Variants in ZSWIM9 observed in about 807,000 individuals in gnomAD.
ZSWIM9 encodes the protein zinc finger SWIM-type containing 9.
ZSWIM9 carries 11 observed loss-of-function variants against 25.0 expected under a neutral mutation model. The observed-to-expected ratio is 0.44, with a 90% CI of 0.28 to 0.73. ZSWIM9 has a LOEUF of 0.73. Among genes scored for constraint, ZSWIM9 ranks in the 30% least tolerant of loss-of-function variants. ZSWIM9 has a pLI of 0.16. For synonymous variants in ZSWIM9, 562 were observed against 582.1 expected, an observed-to-expected ratio of 0.97 and a Z score of 0.50; for missense variants, 1,070 against 1,296.5, an observed-to-expected ratio of 0.83 and a Z score of 2.68.
At position 48,194,585 on chromosome 19, in the gene ZSWIM9, G is replaced by A. The variant is rs1296717561; in HGVS notation, c.589-68G>A. The A allele has an allele frequency of 9.0e-6, 12 of 1,336,038 alleles. No individual in the cohort carries two copies. Among genetic ancestry groups the A allele is most frequent in the Non-Finnish European group, 1.2e-5 (12 of 1,040,936 alleles). 82.8% of individuals were successfully genotyped at this position (1,336,038 alleles called of 1,614,324 possible). A position where few individuals can be genotyped will look rare whatever the true frequency, so the allele number is the denominator to read the frequency against. ...TTCCGTAGAAGGGGAAACCGAGGTC[G>A]GGGAGCTGGGCGGGGAGACCCCAGC... On this transcript the variant is annotated intron_variant, in intron 3 of 3. Coordinates refer to ENST00000614654, the MANE Select transcript of ZSWIM9 (RefSeq NM_199341.4). This position sits in a 1 kb window ranked among gnomAD's most constrained non-coding sequence, Gnocchi z 6.0.
chr19:48,176,408 T>A lies in ZSWIM9; in HGVS notation c.275+4331T>A, dbSNP rs77781385. 8.5e-3 allele frequency among the ~76,000 whole-genome samples: 1,287 copies of A among 152,256 alleles called. 15 individuals are homozygous for A. Among genetic ancestry groups the A allele is most frequent in the African/African-American group, 0.029 (1,217 of 41,550 alleles). On this transcript the variant is annotated intron_variant, in intron 2 of 3. Transcript: ENST00000614654. ...ACTAGTATTACTATTGGCCCCACTT[T>A]CCAGGTGAGAAAACTGAGGCACAGA...
At chr19:48,191,816 C>T (rs1332111106) in intron 3 of ZSWIM9, 1 of 153,420 alleles carries the variant, frequency 6.5e-6, no homozygotes, top group Non-Finnish European at 1.5e-5. Context: ...TGTGCCTAAG[C>T]CAGCCCTGTT....
rs2037144621 is a variant in ZSWIM9, at chr19:48,195,247, G to A, written c.1183G>A (p.Glu395Lys). 16 of 1,529,360 alleles carry A rather than the reference G, an allele frequency of 1.0e-5. No individual in the cohort carries two copies. Among genetic ancestry groups the A allele is most frequent in the Non-Finnish European group, 1.4e-5 (16 of 1,143,402 alleles). The allele number at this position is 1,529,360 out of a possible 1,614,324, so 94.7% of individuals were successfully genotyped here. A position where few individuals can be genotyped will look rare whatever the true frequency, so the allele number is the denominator to read the frequency against. Residue 395 changes from glutamate to lysine, a missense_variant, in exon 4 of 4, where the codon GAG (glutamate) becomes AAG (lysine). Glu to Lys is a moderately conservative substitution (Grantham distance 56). Around this residue, in one of 4 missense-constraint regions of ZSWIM9, gnomAD observed 184 missense variants for 243.1 expected, o/e 0.76. Transcript: ENST00000614654. This position sits in a 1 kb window ranked among gnomAD's most constrained non-coding sequence, Gnocchi z 5.8. The stretch of plus-strand genomic sequence containing the variant: ...CATGTGGGTCCGCTTCCGCGCCTTC[G>A]AGGCGGCCAGAGACCTGGACGCGTG... ...RDMWVRFRAF[E>K]AARDLDACAL...
chr19:48,191,200 G>GTTGT (rs202168785), intron 3 of ZSWIM9, among the ~76,000 whole-genome samples: 4 of 151,234 alleles, frequency 2.6e-5, no homozygotes, highest in East Asian at 1.9e-4. Flanking sequence ...TTTTGTTGTT[G>GTTGT]TTGTTTGTTT....
Position 48,172,070 on chromosome 19 carries a change from GC to G in ZSWIM9, c.270del (p.Val91TrpfsTer16). On this transcript the variant is annotated frameshift_variant, in exon 2 of 4. Transcript: ENST00000614654. LOFTEE classifies it high-confidence loss of function. ...CKDVRAPSRPAVGPPQPGCPA... is the reference protein window; with the variant it reads ...CKDVRAPSRPXVGPPQPGCPA... ...GGACGTGCGTGCGCCCAGCCGGCCCGCCGTGGGGTGCGTGAACCTGAGCCGC... is the reference window on the plus strand; with the variant it reads ...GGACGTGCGTGCGCCCAGCCGGCCCGCGTGGGGTGCGTGAACCTGAGCCGC... 6.6e-7 allele frequency: 1 copy of G among 1,517,580 alleles called. No individual in the cohort carries two copies. The highest frequency in any genetic ancestry group is 8.8e-7 in the Non-Finnish European group (1 of 1,133,558). The allele number at this position is 1,517,580 out of a possible 1,614,324, so 94.0% of individuals were successfully genotyped here.
intron 3 of ZSWIM9, among the ~76,000 whole-genome samples, chr19:48,192,467 A>ATTT (rs1186774255): frequency 2.7e-5 from 1 of 37,172 alleles, no homozygotes; most frequent in African/African-American, 9.1e-5. Flanking sequence ...AAAAAAAAAA[A>ATTT]AAAAAAAAAA....
chr19:48,182,085 A>G lies in ZSWIM9; in HGVS notation c.276-370A>G. The G allele has an allele frequency of 4.8e-6, 1 of 208,348 alleles. No homozygotes were observed. The highest frequency in any genetic ancestry group is 9.5e-6 in the Non-Finnish European group (1 of 105,282). The allele number at this position is 208,348 out of a possible 1,614,324, so 12.9% of individuals were successfully genotyped here. ...TTATTTCTAAAAAAAGTTAAGGTAA[A>G]TACAATAAAACATTCACTCACTTTT... On this transcript the variant is annotated intron_variant, in intron 2 of 3. Coordinates refer to ENST00000614654, the MANE Select transcript of ZSWIM9 (RefSeq NM_199341.4). This position sits in a 1 kb window ranked among gnomAD's most constrained non-coding sequence, Gnocchi z 4.6.
chr19:48,183,327 C>A (rs895425337), intron 3 of ZSWIM9, among the ~76,000 whole-genome samples: 11 of 152,168 alleles, frequency 7.2e-5, no homozygotes, highest in African/African-American at 2.7e-4. Flanking sequence ...CGGGGTTTCA[C>A]CATGTTAGCC....
chr19:48,171,320 G>A, intron 1 of ZSWIM9: 1 of 985,374 alleles, frequency 1.0e-6, no homozygotes, highest in Non-Finnish European at 1.2e-6. Context: ...GAGCGTCTTT[G>A]GAGGGGTTAC....
At position 48,195,290 on chromosome 19, in the gene ZSWIM9, A is replaced by G. The variant is rs1186896612; in HGVS notation, c.1226A>G (p.His409Arg). 3.3e-6 allele frequency: 5 copies of G among 1,529,608 alleles called. No individual in the cohort carries two copies. In the African/African-American group the frequency reaches 6.9e-5, roughly 21 times the overall value. The allele number at this position is 1,529,608 out of a possible 1,614,324, so 94.8% of individuals were successfully genotyped here. A position where few individuals can be genotyped will look rare whatever the true frequency, so the allele number is the denominator to read the frequency against. Residue 409 changes from histidine to arginine, a missense_variant, in exon 4 of 4, where the codon CAC (histidine) becomes CGC (arginine). Around this residue, in one of 4 missense-constraint regions of ZSWIM9, gnomAD observed 184 missense variants for 243.1 expected, o/e 0.76. Transcript: ENST00000614654. This position sits in a 1 kb window ranked among gnomAD's most constrained non-coding sequence, Gnocchi z 5.8. ...DLDACALVRG[H>R]RRRLLRRLSP... is the part of the protein sequence containing the mutation. ...GACGCGTGTGCCCTGGTGCGAGGCC[A>G]CCGCCGGCGACTGCTGCGTCGTCTC...
chr19:48,194,995 T>C lies in ZSWIM9; in HGVS notation c.931T>C (p.Cys311Arg). The C allele has an allele frequency of 7.5e-7, 1 of 1,337,792 alleles. No homozygotes were observed. Among genetic ancestry groups the C allele is most frequent in the South Asian group, 1.6e-5 (1 of 62,802 alleles). 82.9% of individuals were successfully genotyped at this position (1,337,792 alleles called of 1,614,324 possible). ...QLPAVRQLLP[C>R]ARVQICRAQG... ...GCCTGCAGTGCGCCAGCTGCTGCCC[T>C]GCGCGCGCGTGCAGATCTGCCGCGC... The change falls in exon 4 of 4, where the codon TGC (cysteine) becomes CGC (arginine). Residue 311 changes from cysteine to arginine, a missense_variant. By Grantham distance (180) the Cys-to-Arg change is radical (BLOSUM62 -3). Coordinates refer to ENST00000614654, the MANE Select transcript of ZSWIM9 (RefSeq NM_199341.4). This position sits in a 1 kb window ranked among gnomAD's most constrained non-coding sequence, Gnocchi z 6.0.
chr19:48,194,876 T>C lies in ZSWIM9; in HGVS notation c.812T>C (p.Leu271Pro). 1.5e-6 allele frequency: 2 copies of C among 1,336,160 alleles called. No individual in the cohort carries two copies. The highest frequency in any genetic ancestry group is 9.5e-7 in the Non-Finnish European group (1 of 1,049,756). The allele number at this position is 1,336,160 out of a possible 1,614,324, so 82.8% of individuals were successfully genotyped here. A position where few individuals can be genotyped will look rare whatever the true frequency, so the allele number is the denominator to read the frequency against. The change falls in exon 4 of 4, where the codon CTG (leucine) becomes CCG (proline). Residue 271 changes from leucine (L) to proline (P), a missense_variant. By Grantham distance (98) the Leu-to-Pro change is moderately conservative. Transcript: ENST00000614654. This position sits in a 1 kb window ranked among gnomAD's most constrained non-coding sequence, Gnocchi z 6.0. ...GCGCGCCCGGGCACACCGAGCCTGC[T>C]GCGCTTCGCGCTCGCGTCGCTGCTG... ...CVARPGTPSL[L>P]RFALASLLQS... is the part of the protein sequence containing the mutation.
intron 3 of ZSWIM9, among the ~76,000 whole-genome samples, chr19:48,187,385 A>AG (rs55640320): frequency 9.0e-6 from 1 of 111,326 alleles, no homozygotes; most frequent in African/African-American, 3.4e-5. Context: ...ATAATGTAAT[A>AG]ATTAATATAT....
At chr19:48,192,472 A>AT (rs1255944064) in intron 3 of ZSWIM9, among the ~76,000 whole-genome samples, 10 of 24,916 alleles carry the variant, frequency 4.0e-4, no homozygotes, top group Non-Finnish European at 6.5e-4. Flanking sequence ...AAAAAAAAAA[A>AT]AAAAAAAAAT....
rs543199386 is a variant in ZSWIM9 at position 48,194,916 on chromosome 19, C to T, written c.852C>T (p.Asp284=). 7.6e-7 allele frequency: 1 copy of T among 1,314,282 alleles called. No individual in the cohort carries two copies. 81.4% of individuals were successfully genotyped at this position (1,314,282 alleles called of 1,614,324 possible). A position where few individuals can be genotyped will look rare whatever the true frequency, so the allele number is the denominator to read the frequency against. Residue 284 remains aspartate, a synonymous_variant, in exon 4 of 4, where the codon GAC becomes GAT. Transcript: ENST00000614654. The surrounding 1 kb of genome is among the most constrained non-coding windows in gnomAD (Gnocchi z 6.0). ...CGTCGCTGCTGCAGAGCGCGCCAGA[C>T]GTCAAGGGCCGCGTGCGCTGCCTCA... ...ALASLLQSAP[D]VKGRVRCLTA... is the part of the protein sequence containing the mutation.
At chr19:48,186,007 ATGGT>A (rs2037006883) in intron 3 of ZSWIM9, among the ~76,000 whole-genome samples, 1 of 152,122 alleles carries the variant, frequency 6.6e-6, no homozygotes, top group South Asian at 2.1e-4. Flanking sequence ...AAGAAAGAAA[ATGGT>A]TCTTATCTGT....
intron 3 of ZSWIM9, chr19:48,193,320 G>A (rs2037120413): frequency 6.5e-6 from 1 of 152,968 alleles, no homozygotes; most frequent in African/African-American, 2.4e-5. Flanking sequence ...ATGTGGCCTT[G>A]GACATGGCTG....
At chr19:48,171,102 C>A in intron 1 of ZSWIM9, 1 of 348,850 alleles carries the variant, frequency 2.9e-6, no homozygotes, top group Non-Finnish European at 4.0e-6. Flanking sequence ...GCGTGGATAA[C>A]TGCATGTGGG....
At chr19:48,187,450 T>TATTA (rs1351918551) in intron 3 of ZSWIM9, among the ~76,000 whole-genome samples, 4 of 103,950 alleles carry the variant, frequency 3.8e-5, no homozygotes, top group Non-Finnish European at 7.2e-5. Flanking sequence ...ATATTATATA[T>TATTA]TATATATTAA....
Sources: gnomAD v4.1 joint callset for allele counts (sites outside exome capture counted in the v4.1 genomes callset) on GRCh38, gnomAD v4.1.1 for gene constraint, gnomAD v4.1.1 regional missense constraint, Gnocchi (gnomAD v3.1) non-coding constraint, MANE v1.5 for transcripts, NCBI Gene and HGNC (gene_info 2026-07-23, HGNC 2026-07-21) for gene names.